NEGR1: variants seen among roughly 807,000 people sequenced by gnomAD.
The protein encoded by NEGR1 is neuronal growth regulator 1.
Under a neutral mutation model 40.9 loss-of-function variants are expected in NEGR1, and 10 were observed. The observed-to-expected ratio is 0.24, with a 90% CI of 0.15 to 0.42. The LOEUF (loss-of-function observed/expected upper bound fraction) is 0.42. NEGR1 is among the 10% of genes least tolerant of loss of function. The probability of loss-of-function intolerance (pLI) is 1.00; values close to 1 mark genes in which losing one functional copy is unlikely to be tolerated. For synonymous variants in NEGR1, 185 were observed against 166.8 expected, an observed-to-expected ratio of 1.11 and a Z score of -0.84; for missense variants, 352 against 438.9, an observed-to-expected ratio of 0.80 and a Z score of 1.77.
intron 2 of NEGR1, among the ~76,000 whole-genome samples, chr1:71,873,153 T>C (rs1331979584): frequency 6.8e-6 from 1 of 147,354 alleles, no homozygotes; most frequent in Non-Finnish European, 1.5e-5. Context: ...AAATAGAGTA[T>C]TTTGAGGTTT....
At chr1:71,411,560 T>C (rs1465054728) in intron 6 of NEGR1, among the ~76,000 whole-genome samples, 1 of 152,142 alleles carries the variant, frequency 6.6e-6, no homozygotes, top group African/African-American at 2.4e-5. Flanking sequence ...GCAGTATAGG[T>C]CATGTGATCA....
chr1:72,028,166 A>G (rs972761904), intron 1 of NEGR1, among the ~76,000 whole-genome samples: 2 of 152,216 alleles, frequency 1.3e-5, no homozygotes, highest in African/African-American at 4.8e-5. Flanking sequence ...TTATTGAATC[A>G]ATGGCTTAAA....
At chr1:72,006,889 C>T (rs1010253095) in intron 1 of NEGR1, among the ~76,000 whole-genome samples, 3 of 152,106 alleles carry the variant, frequency 2.0e-5, no homozygotes, top group Admixed American at 2.0e-4. Context: ...GGAATAAGTA[C>T]ATTGTTAACC....
intron 6 of NEGR1, among the ~76,000 whole-genome samples, chr1:71,588,167 C>CCA (rs1266004023): frequency 6.6e-6 from 1 of 152,016 alleles, no homozygotes; most frequent in Non-Finnish European, 1.5e-5. Flanking sequence ...CAGGATGGGA[C>CCA]CACTCAGTTC....
intron 2 of NEGR1, among the ~76,000 whole-genome samples, chr1:71,797,905 A>G (rs559557286): frequency 2.6e-5 from 4 of 151,950 alleles, no homozygotes; most frequent in Non-Finnish European, 5.9e-5. Flanking sequence ...CAGAGTTTAT[A>G]TTGTTTAACC....
rs186276550 is a variant in NEGR1, at chr1:71,797,914, C to A, written c.410-21617G>T. ...AAAAAACAGAGTTTATATTGTTTAA[C>A]CTGCATCACTATAGTATCTAGTTGC... is the stretch of plus-strand genomic sequence containing the variant. On this transcript the variant is annotated intron_variant, in intron 2 of 6. Coordinates refer to ENST00000357731, the MANE Select transcript of NEGR1 (RefSeq NM_173808.3). 5.9e-5 allele frequency among the ~76,000 whole-genome samples: 9 copies of A among 151,694 alleles called. No homozygotes were observed. In the East Asian group the frequency reaches 1.7e-3, roughly 29 times the overall value.
Position 71,942,126 on chromosome 1 carries a change from G to T in NEGR1, c.177-6815C>A, listed in dbSNP as rs1168788168. On this transcript the variant is annotated intron_variant, in intron 1 of 6. Transcript: ENST00000357731. ...ACAAGTAGCATTGGTTTCTTATTTT[G>T]TTGGAAAAAGAATTCTATTTTCTAT... is the stretch of plus-strand genomic sequence containing the variant. 2.0e-5 allele frequency among the ~76,000 whole-genome samples: 3 copies of T among 149,988 alleles called. No individual in the cohort carries two copies. In the East Asian group the frequency reaches 5.8e-4, roughly 29 times the overall value.
chr1:72,266,518 G>T (rs1157938518), intron 1 of NEGR1, among the ~76,000 whole-genome samples: 1 of 150,830 alleles, frequency 6.6e-6, no homozygotes, highest in Non-Finnish European at 1.5e-5. Context: ...CTGGGTAGAA[G>T]TCTTTTATAA....
chr1:72,169,743 T>C (rs1462830550), intron 1 of NEGR1, among the ~76,000 whole-genome samples: 1 of 152,172 alleles, frequency 6.6e-6, no homozygotes, highest in Non-Finnish European at 1.5e-5. Flanking sequence ...ACCCACTGTT[T>C]TTAACACAAA....
In NEGR1 at chr1:71,576,990, T is replaced by C. The variant is rs538946048; in HGVS notation, c.940+15827A>G. On this transcript the variant is annotated intron_variant, in intron 6 of 6. Coordinates refer to ENST00000357731, the MANE Select transcript of NEGR1 (RefSeq NM_173808.3). ...CTGAACTGTCTATTGTGGGCTTCCATATGAGAGAAAAATAAAGTTGTTTAA... is the reference window on the plus strand; with the variant it reads ...CTGAACTGTCTATTGTGGGCTTCCACATGAGAGAAAAATAAAGTTGTTTAA... Among the ~76,000 whole-genome samples, 4 of 152,294 alleles carry C rather than the reference T, an allele frequency of 2.6e-5. No individual in the cohort carries two copies. The South Asian group carries it at 6.2e-4, about 24-fold the overall frequency.
At chr1:71,943,027 T>C (rs569335036) in intron 1 of NEGR1, among the ~76,000 whole-genome samples, 7 of 130,784 alleles carry the variant, frequency 5.4e-5, no homozygotes, top group South Asian at 4.5e-4. Context: ...TGTATATATA[T>C]ACACACATAC....
At position 72,113,146 on chromosome 1, in the gene NEGR1, T is replaced by A. The variant is rs553080221; in HGVS notation, c.176+169173A>T. ...GCACAGTGAGCACTAGACCCAAGGGTTTTTCATGATGACCAGTATTATGAA... is the reference window on the plus strand; with the variant it reads ...GCACAGTGAGCACTAGACCCAAGGGATTTTCATGATGACCAGTATTATGAA... On this transcript the variant is annotated intron_variant, in intron 1 of 6. Transcript: ENST00000357731. 3.3e-5 allele frequency among the ~76,000 whole-genome samples: 5 copies of A among 150,998 alleles called. No homozygotes were observed. In the South Asian group the frequency reaches 1.0e-3, roughly 32 times the overall value.
At chr1:71,577,411 G>T (rs1368448334) in intron 6 of NEGR1, among the ~76,000 whole-genome samples, 1 of 152,134 alleles carries the variant, frequency 6.6e-6, no homozygotes, top group Admixed American at 6.5e-5. Flanking sequence ...TCTTCAAAAA[G>T]CTGTCAACAA....
chr1:71,436,335 T>C (rs7519228), intron 6 of NEGR1, among the ~76,000 whole-genome samples: 22,688 of 151,884 alleles, frequency 0.15, 1,910 homozygotes, highest in Non-Finnish European at 0.19. Context: ...GATGACTTGA[T>C]GGAGATGGGT....
intron 6 of NEGR1, among the ~76,000 whole-genome samples, chr1:71,553,432 C>T (rs1648150346): frequency 1.3e-5 from 2 of 151,478 alleles, no homozygotes; most frequent in Non-Finnish European, 1.5e-5. Flanking sequence ...TTTATCTTCC[C>T]CGTCTGTGGC....
intron 2 of NEGR1, among the ~76,000 whole-genome samples, chr1:71,923,385 T>TCA (rs986981453): frequency 1.0e-4 from 15 of 149,804 alleles, no homozygotes; most frequent in African/African-American, 2.5e-4. Context: ...TCTCTCTCTC[T>TCA]CACACACACA....
chr1:72,150,245 T>C (rs1415062955), intron 1 of NEGR1, among the ~76,000 whole-genome samples: 1 of 152,168 alleles, frequency 6.6e-6, no homozygotes, highest in Non-Finnish European at 1.5e-5. Context: ...AAACTACAAA[T>C]ATACTATGAA....
chr1:71,690,327 A>G (rs565994973), intron 4 of NEGR1, among the ~76,000 whole-genome samples: 1 of 152,018 alleles, frequency 6.6e-6, no homozygotes, highest in Admixed American at 6.6e-5. Context: ...CTGAAGCAAA[A>G]CTTTTTTTTC....
rs371031005 is a variant in NEGR1, at chr1:71,621,805, G to T, written c.668-10659C>A. Among the ~76,000 whole-genome samples the T allele has an allele frequency of 1.4e-4, 21 of 151,798 alleles. No homozygotes were observed. The South Asian group carries it at 3.1e-3, about 23-fold the overall frequency. ...TTATTATATTCAACTTTTTCAAGGG[G>T]TTGAATTTACTAAGCTATCATTAGT... On this transcript the variant is annotated intron_variant, in intron 4 of 6. Transcript: ENST00000357731.
Sources: gnomAD v4.1 joint callset for allele counts (sites outside exome capture counted in the v4.1 genomes callset) on GRCh38, gnomAD v4.1.1 for gene constraint, MANE v1.5 for transcripts, NCBI Gene and HGNC (gene_info 2026-07-23, HGNC 2026-07-21) for gene names.